ZDHHC20: variants seen among roughly 807,000 people sequenced by gnomAD.
ZDHHC20 encodes the protein zDHHC palmitoyltransferase 20, also known as palmitoyltransferase ZDHHC20.
Under a neutral mutation model 57.8 loss-of-function variants are expected in ZDHHC20, and 43 were observed. The observed-to-expected ratio is 0.74, with a 90% CI of 0.58 to 0.96. ZDHHC20 has a LOEUF of 0.96. Ranked by LOEUF, ZDHHC20 falls within the 40% of genes least tolerant of loss-of-function variation. The pLI is 0.00. For missense variants in ZDHHC20, 391 were observed against 441.1 expected, an observed-to-expected ratio of 0.89 and a Z score of 1.02; for synonymous variants, 157 against 153.0, an observed-to-expected ratio of 1.03 and a Z score of -0.19.
chr13:21,389,123 G>A (rs930730934), intron 8 of ZDHHC20, among the ~76,000 whole-genome samples: 4 of 152,176 alleles, frequency 2.6e-5, no homozygotes, highest in African/African-American at 9.7e-5. Flanking sequence ...TGCTTGTTCA[G>A]GATAATGGCA....
chr13:21,421,168 G>A lies in ZDHHC20; in HGVS notation c.146-4C>T. The A allele has an allele frequency of 6.2e-7, 1 of 1,610,300 alleles. No homozygotes were observed. The highest frequency in any genetic ancestry group is 8.5e-7 in the Non-Finnish European group (1 of 1,177,554). On this transcript the variant is annotated splice_region_variant and splice_polypyrimidine_tract_variant and intron_variant, in intron 2 of 12. Coordinates refer to ENST00000400590, the MANE Select transcript of ZDHHC20 (RefSeq NM_001330059.2). ...ACAAGGTAAACAACGGTCTTTCCTG[G>A]TAAATAAAAACAAATAACAGTTCAT...
At chr13:21,445,165 G>C (rs1220837014) in intron 1 of ZDHHC20, among the ~76,000 whole-genome samples, 1 of 151,892 alleles carries the variant, frequency 6.6e-6, no homozygotes, top group East Asian at 1.9e-4. Flanking sequence ...CCAAACACAA[G>C]ATTTGACTAG....
chr13:21,385,582 A>G (rs1874320483), intron 9 of ZDHHC20, among the ~76,000 whole-genome samples: 1 of 152,234 alleles, frequency 6.6e-6, no homozygotes, highest in African/African-American at 2.4e-5. Flanking sequence ...GATGGCAGAG[A>G]TGGACAAAAT....
In ZDHHC20 at chr13:21,375,233, C is replaced by A. The variant is rs1049042883; in HGVS notation, c.*1463G>T. The A allele has an allele frequency of 6.2e-5, 28 of 452,984 alleles. No homozygotes were observed. The Admixed American group carries it at 6.4e-4, about 10-fold the overall frequency. The allele number at this position is 452,984 out of a possible 1,614,324, so 28.1% of individuals were successfully genotyped here. A position where few individuals can be genotyped will look rare whatever the true frequency, so the allele number is the denominator to read the frequency against. On this transcript the variant is annotated 3_prime_UTR_variant, in exon 13 of 13. Coordinates refer to ENST00000400590, the MANE Select transcript of ZDHHC20 (RefSeq NM_001330059.2). ...CATCCAGTCCAACTTATTCACAACA[C>A]CCCCTCCCCTGCAGTCCCATTTTAC...
rs1872063210 is a variant in ZDHHC20 at position 21,376,300 on chromosome 13, T to G, written c.*396A>C. 1 of 165,954 alleles carries G rather than the reference T, an allele frequency of 6.0e-6. No individual in the cohort carries two copies. The highest frequency in any genetic ancestry group is 2.4e-5 in the African/African-American group (1 of 42,138). The allele number at this position is 165,954 out of a possible 1,614,324, so 10.3% of individuals were successfully genotyped here. On this transcript the variant is annotated 3_prime_UTR_variant, in exon 13 of 13. Coordinates refer to ENST00000400590, the MANE Select transcript of ZDHHC20 (RefSeq NM_001330059.2). ...TTTAAAGTTTTTAAGCTTGTGTTTTTGGAGTGAAAATGTATATGGATACTT... is the reference window on the plus strand; with the variant it reads ...TTTAAAGTTTTTAAGCTTGTGTTTTGGGAGTGAAAATGTATATGGATACTT...
chr13:21,375,297 C>A lies in ZDHHC20; in HGVS notation c.*1399G>T. ...CAACCTGTAGTACTCACAGATGCTG[C>A]TGAGATTCATCTCCACCCACTCACT... On this transcript the variant is annotated 3_prime_UTR_variant, in exon 13 of 13. Transcript: ENST00000400590. 1 of 392,422 alleles carries A rather than the reference C, an allele frequency of 2.5e-6. No individual in the cohort carries two copies. Among genetic ancestry groups the A allele is most frequent in the Admixed American group, 3.0e-5 (1 of 33,320 alleles). 24.3% of individuals were successfully genotyped at this position (392,422 alleles called of 1,614,324 possible).
chr13:21,376,970 T>C (rs1021689736), intron 12 of ZDHHC20: 8 of 181,938 alleles, frequency 4.4e-5, no homozygotes, highest in African/African-American at 1.9e-4. Context: ...GCGCAAGATG[T>C]AGAAAACTTC....
chr13:21,378,528 A>G (rs967989421), intron 12 of ZDHHC20, 133 bp downstream of exon 12: 1 of 394,480 alleles, frequency 2.5e-6, no homozygotes, highest in Non-Finnish European at 4.4e-6. Context: ...GTTACATTCT[A>G]GTCTTTCCTG....
In ZDHHC20 at chr13:21,375,479, G is replaced by A; in HGVS notation, c.*1217C>T. 1 of 222,926 alleles carries A rather than the reference G, an allele frequency of 4.5e-6. No individual in the cohort carries two copies. The highest frequency in any genetic ancestry group is 9.0e-6 in the Non-Finnish European group (1 of 111,086). 13.8% of individuals were successfully genotyped at this position (222,926 alleles called of 1,614,324 possible). ...TCGCTTAGATTTTAAAAGGAAAAAGGAGAAATGTGTCTAGTCATAAAGGGG... is the reference window on the plus strand; with the variant it reads ...TCGCTTAGATTTTAAAAGGAAAAAGAAGAAATGTGTCTAGTCATAAAGGGG... On this transcript the variant is annotated 3_prime_UTR_variant, in exon 13 of 13. Transcript: ENST00000400590.
chr13:21,388,978 T>C (rs1442813855), intron 8 of ZDHHC20, among the ~76,000 whole-genome samples: 25 of 151,922 alleles, frequency 1.6e-4, no homozygotes, highest in Non-Finnish European at 3.2e-4. Context: ...AGGAGAAAAT[T>C]GTTGGAGAAT....
intron 7 of ZDHHC20, among the ~76,000 whole-genome samples, chr13:21,392,572 G>T (rs1875936150): frequency 6.6e-6 from 1 of 152,134 alleles, no homozygotes. Flanking sequence ...AATGAAAACA[G>T]CTTCTCTGGT....
chr13:21,422,848 C>A (rs1473526311), intron 2 of ZDHHC20, among the ~76,000 whole-genome samples: 1 of 152,066 alleles, frequency 6.6e-6, no homozygotes, highest in East Asian at 1.9e-4. Context: ...AACCTCATGA[C>A]CAGCACATCC....
Position 21,374,934 on chromosome 13 carries a change from G to A in ZDHHC20, c.*1762C>T. The A allele has an allele frequency of 2.9e-6, 1 of 347,916 alleles. No homozygotes were observed. The highest frequency in any genetic ancestry group is 5.6e-6 in the Non-Finnish European group (1 of 177,378). The allele number at this position is 347,916 out of a possible 1,614,324, so 21.6% of individuals were successfully genotyped here. A position where few individuals can be genotyped will look rare whatever the true frequency, so the allele number is the denominator to read the frequency against. ...GGATTATTTGAGGTCAGGAGTTAGT[G>A]ATCAGCCTGGTCAACATGGTGAAAC... On this transcript the variant is annotated 3_prime_UTR_variant, in exon 13 of 13. Coordinates refer to ENST00000400590, the MANE Select transcript of ZDHHC20 (RefSeq NM_001330059.2).
intron 8 of ZDHHC20, among the ~76,000 whole-genome samples, chr13:21,388,616 T>C (rs1243082056): frequency 3.9e-5 from 6 of 152,190 alleles, no homozygotes; most frequent in Non-Finnish European, 8.8e-5. Flanking sequence ...GGGAGAATTA[T>C]GAAAATCTGG....
At chr13:21,379,692 A>G (rs942677140) in intron 11 of ZDHHC20, among the ~76,000 whole-genome samples, 1 of 152,204 alleles carries the variant, frequency 6.6e-6, no homozygotes, top group African/African-American at 2.4e-5. Flanking sequence ...ACAATATTTT[A>G]AACCCAGGTC....
intron 5 of ZDHHC20, among the ~76,000 whole-genome samples, chr13:21,402,192 A>C (rs2137799530): frequency 6.6e-6 from 1 of 152,354 alleles, no homozygotes; most frequent in South Asian, 2.1e-4. Flanking sequence ...TATGCAGGTC[A>C]TAAAAACAAA....
chr13:21,451,742 C>A (rs756658608), intron 1 of ZDHHC20, among the ~76,000 whole-genome samples: 5 of 152,034 alleles, frequency 3.3e-5, no homozygotes, highest in Non-Finnish European at 7.4e-5. Flanking sequence ...GAAACCCCAG[C>A]ACTTTGGGAG....
chr13:21,442,677 C>A (rs1385183839), intron 1 of ZDHHC20, among the ~76,000 whole-genome samples: 1 of 151,884 alleles, frequency 6.6e-6, no homozygotes, highest in Admixed American at 6.6e-5. Flanking sequence ...ATTGCTTGAA[C>A]CCGGGAAGCA....
intron 7 of ZDHHC20, among the ~76,000 whole-genome samples, chr13:21,392,594 T>A (rs1324769655): frequency 6.6e-6 from 1 of 152,218 alleles, no homozygotes; most frequent in Non-Finnish European, 1.5e-5. Flanking sequence ...TCCCTTCTTA[T>A]GGCTATATAC....
Sources: allele counts gnomAD v4.1 joint callset (sites outside exome capture counted in the v4.1 genomes callset), GRCh38; gene constraint gnomAD v4.1.1; transcripts MANE v1.5; gene names NCBI Gene and HGNC (gene_info 2026-07-23, HGNC 2026-07-21).